ILRUN: variants seen among roughly 807,000 people sequenced by gnomAD.
ILRUN encodes inflammation and lipid regulator with UBA-like and NBR1-like domains.
Under a neutral mutation model 33.8 loss-of-function variants are expected in ILRUN, and 3 were observed. The observed-to-expected ratio is 0.09, with a 90% CI of 0.04 to 0.23. ILRUN has a LOEUF of 0.23. Among genes scored for constraint, ILRUN ranks in the 10% least tolerant of loss-of-function variants. ILRUN has a pLI of 1.00. For synonymous variants in ILRUN, 124 were observed against 138.9 expected (o/e 0.89, Z 0.75); for missense variants, 210 against 375.1 (o/e 0.56, Z 3.64).
intron 3 of ILRUN, among the ~76,000 whole-genome samples, chr6:34,611,530 T>C (rs1016733469): frequency 1.3e-5 from 2 of 152,152 alleles, no homozygotes; most frequent in African/African-American, 4.8e-5. Context: ...CAGAATGCGT[T>C]CACCCCCTGC....
chr6:34,640,430 G>T (rs1242645524), intron 3 of ILRUN, among the ~76,000 whole-genome samples: 3 of 152,096 alleles, frequency 2.0e-5, no homozygotes, highest in African/African-American at 7.2e-5. Context: ...TAAAGGGAGT[G>T]GGCCGGGCGC....
rs1458562444 is a variant in ILRUN at position 34,693,630 on chromosome 6, GTTTTTTATATAAAAA to G, written c.158+2801_158+2815del. On this transcript the variant is annotated intron_variant, in intron 1 of 4. Transcript: ENST00000374023. The stretch of plus-strand genomic sequence containing the variant: ...TGCTACTCCATGGCTTTGAGCATAA[GTTTTTTATATAAAAA>G]CTCAAATAGAAGTTTTATTTTATTT... Among the ~76,000 whole-genome samples, 380 of 150,204 alleles carry G rather than the reference GTTTTTTATATAAAAA, an allele frequency of 2.5e-3. 4 individuals carry two copies. Among genetic ancestry groups the G allele is most frequent in the African/African-American group, 8.5e-3 (347 of 41,002 alleles).
intron 1 of ILRUN, among the ~76,000 whole-genome samples, chr6:34,686,204 T>C (rs1763512939): frequency 6.6e-6 from 1 of 152,090 alleles, no homozygotes; most frequent in South Asian, 2.1e-4. Flanking sequence ...CCAGAATATA[T>C]AAAGACTTCT....
At chr6:34,665,449 G>C (rs1762974353) in intron 1 of ILRUN, among the ~76,000 whole-genome samples, 1 of 152,014 alleles carries the variant, frequency 6.6e-6, no homozygotes, top group African/African-American at 2.4e-5. Flanking sequence ...CTCAAAAAAA[G>C]AGACAGAGAG....
At chr6:34,682,263 T>TTTGTTTTG (rs750481129) in intron 1 of ILRUN, among the ~76,000 whole-genome samples, 19 of 124,994 alleles carry the variant, frequency 1.5e-4, no homozygotes, top group African/African-American at 4.8e-4. Flanking sequence ...TTTTTTTTTT[T>TTTGTTTTG]TTTTTTTTTT....
At chr6:34,625,293 G>A (rs1762097757) in intron 3 of ILRUN, among the ~76,000 whole-genome samples, 1 of 151,952 alleles carries the variant, frequency 6.6e-6, no homozygotes, top group Admixed American at 6.6e-5. Context: ...CCCTTCATGG[G>A]CCAAGGTATT....
At chr6:34,614,443 A>AATATATATAT (rs61423893) in intron 3 of ILRUN, among the ~76,000 whole-genome samples, 22 of 133,584 alleles carry the variant, frequency 1.6e-4, no homozygotes, top group Non-Finnish European at 2.9e-4. Flanking sequence ...AAAAAAAAAA[A>AATATATATAT]ATATATATAT....
Position 34,696,456 on chromosome 6 carries a change from T to A in ILRUN, c.148A>T (p.Met50Leu). ...GCGGGGCCGGCTCACCAGTTGGTCATGTCCAGGAAGAAGGCGCAACCGGCA... is the reference window on the plus strand; with the variant it reads ...GCGGGGCCGGCTCACCAGTTGGTCAAGTCCAGGAAGAAGGCGCAACCGGCA... The part of the protein sequence containing the change: ...NPAGCAFFLD[M>L]TNWNLQAAIG... Residue 50 changes from methionine to leucine, a missense_variant, in exon 1 of 5, where the codon ATG (methionine) becomes TTG (leucine). By Grantham distance (15) the Met-to-Leu change is conservative. This residue lies in a region of ILRUN where 61 missense variants were observed against 94.4 expected (regional missense o/e 0.65). Transcript: ENST00000374023. The A allele has an allele frequency of 6.3e-7, 1 of 1,581,816 alleles. No individual in the cohort carries two copies. The highest frequency in any genetic ancestry group is 2.3e-5 in the East Asian group (1 of 43,166).
At position 34,642,674 on chromosome 6, in the gene ILRUN, T is replaced by C. The variant is rs541080442; in HGVS notation, c.511+3927A>G. On this transcript the variant is annotated intron_variant, in intron 3 of 4. Transcript: ENST00000374023. ...CAGGATATGTTGCTTGTCAACTTTCTAGAGGGCCTAAGAATAATAACAGTG... is the reference window on the plus strand; with the variant it reads ...CAGGATATGTTGCTTGTCAACTTTCCAGAGGGCCTAAGAATAATAACAGTG... 8.6e-5 allele frequency among the ~76,000 whole-genome samples: 13 copies of C among 152,040 alleles called. 1 individual carries two copies. The South Asian group carries it at 2.5e-3, about 29-fold the overall frequency.
Position 34,590,901 on chromosome 6 carries a change from C to A in ILRUN, c.862-301G>T, listed in dbSNP as rs1451095790. ...TGCCAACCTTCCTCCACCCAGGTCA[C>A]AAAGCTTTCCTATTTCCTTCTTGAC... is the stretch of plus-strand genomic sequence containing the variant. On this transcript the variant is annotated intron_variant, in intron 4 of 4. Coordinates refer to ENST00000374023, the MANE Select transcript of ILRUN (RefSeq NM_024294.4). 3.3e-5 allele frequency among the ~76,000 whole-genome samples: 5 copies of A among 152,326 alleles called. No individual in the cohort carries two copies. The East Asian group carries it at 7.7e-4, about 23-fold the overall frequency.
intron 1 of ILRUN, among the ~76,000 whole-genome samples, chr6:34,682,856 C>A (rs892712125): frequency 6.6e-6 from 1 of 151,890 alleles, no homozygotes; most frequent in African/African-American, 2.4e-5. Context: ...GAGACACGTG[C>A]CCTCCCTCAA....
chr6:34,687,710 T>TATATATATATATATATTTATAAA (rs1562035432), intron 1 of ILRUN, among the ~76,000 whole-genome samples: 12 of 117,706 alleles, frequency 1.0e-4, no homozygotes, highest in African/African-American at 4.1e-4. Flanking sequence ...AAAAAAAAAA[T>TATATATATATATATATTTATAAA]ATATATATAT....
intron 3 of ILRUN, among the ~76,000 whole-genome samples, chr6:34,613,394 G>C (rs1011604350): frequency 6.6e-6 from 1 of 152,152 alleles, no homozygotes; most frequent in African/African-American, 2.4e-5. Flanking sequence ...AAAAATGTCT[G>C]CATACATGTA....
intron 1 of ILRUN, among the ~76,000 whole-genome samples, chr6:34,666,742 A>G (rs185573215): frequency 7.9e-5 from 12 of 152,348 alleles, no homozygotes; most frequent in Middle Eastern, 3.4e-3. Flanking sequence ...TATCATTTTT[A>G]ATAACTAATC....
In ILRUN at chr6:34,683,477, TATATATATAC is replaced by T. The variant is rs1562033100; in HGVS notation, c.158+12959_158+12968del. 4.7e-4 allele frequency among the ~76,000 whole-genome samples: 48 copies of T among 102,148 alleles called. 1 individual carries two copies. The highest frequency in any genetic ancestry group is 2.0e-3 in the African/African-American group (40 of 20,438). The allele number at this position is 102,148 out of a possible 152,430, so 67.0% of individuals were successfully genotyped here. Reference sequence around the variant, plus strand: ...ACATATATATACATATATATACACATATATATATACATATATATATACATATATATATATA... The same window carrying T: ...ACATATATATACATATATATACACATATATATATATACATATATATATATA... On this transcript the variant is annotated intron_variant, in intron 1 of 4. Coordinates refer to ENST00000374023, the MANE Select transcript of ILRUN (RefSeq NM_024294.4).
At chr6:34,657,077 G>T (rs1340060712) in intron 1 of ILRUN, among the ~76,000 whole-genome samples, 1 of 152,184 alleles carries the variant, frequency 6.6e-6, no homozygotes, top group Non-Finnish European at 1.5e-5. Context: ...TCTGGAATTA[G>T]CATTACACTT....
intron 3 of ILRUN, among the ~76,000 whole-genome samples, chr6:34,631,711 G>C (rs1179315148): frequency 6.6e-6 from 1 of 152,130 alleles, no homozygotes; most frequent in Non-Finnish European, 1.5e-5. Context: ...GAAACAGAAA[G>C]AACATTAGTG....
intron 1 of ILRUN, among the ~76,000 whole-genome samples, chr6:34,660,251 T>C (rs921978174): frequency 1.3e-5 from 2 of 151,538 alleles, no homozygotes; most frequent in Admixed American, 6.6e-5. Context: ...TGCGGTGAGC[T>C]GAGACTGCGC....
chr6:34,600,271 T>C (rs1468941387), intron 4 of ILRUN, among the ~76,000 whole-genome samples: 3 of 152,210 alleles, frequency 2.0e-5, no homozygotes, highest in Non-Finnish European at 2.9e-5. Flanking sequence ...CATCTTCTTC[T>C]ACTCTCTCTC....
Sources: allele counts gnomAD v4.1 joint callset (sites outside exome capture counted in the v4.1 genomes callset), GRCh38; gene constraint gnomAD v4.1.1; regional missense constraint gnomAD v4.1.1; transcripts MANE v1.5; gene names NCBI Gene and HGNC (gene_info 2026-07-23, HGNC 2026-07-21).